Variants in PRMT1 observed in about 807,000 individuals in gnomAD.
PRMT1 encodes the protein protein arginine N-methyltransferase 1.
PRMT1 carries 5 observed loss-of-function variants against 47.4 expected under a neutral mutation model. The ratio of observed to expected loss-of-function variants is 0.11; its 90% CI spans 0.06 to 0.22. PRMT1 has a LOEUF of 0.22. Among genes scored for constraint, PRMT1 ranks in the 10% least tolerant of loss-of-function variants. The probability of loss-of-function intolerance (pLI) is 1.00; values close to 1 mark genes in which losing one functional copy is unlikely to be tolerated. For synonymous variants in PRMT1, 227 were observed against 204.6 expected (o/e 1.11, Z -0.94); for missense variants, 249 against 518.4 (o/e 0.48, Z 5.05).
chr19:49,680,345 T>C lies in PRMT1; in HGVS notation c.91-142T>C. 1 of 906,408 alleles carries C rather than the reference T, an allele frequency of 1.1e-6. No individual in the cohort carries two copies. The highest frequency in any genetic ancestry group is 1.8e-6 in the Non-Finnish European group (1 of 565,670). The allele number at this position is 906,408 out of a possible 1,614,324, so 56.1% of individuals were successfully genotyped here. On this transcript the variant is annotated intron_variant, in intron 2 of 10. Transcript: ENST00000454376. The surrounding 1 kb of genome is among the most constrained non-coding windows in gnomAD (Gnocchi z 4.2). ...TTTTGGGGTTCCTGGGGGGGCAAGA[T>C]GGCAGGCGGGGGCTGTAGGGTTGTC...
chr19:49,681,180 G>T lies in PRMT1; in HGVS notation c.192+592G>T, dbSNP rs1045297569. ...TCCCCCCACTTCCACTTTCGGAGTAGCTGGGACCACAGGCGCGCGCCACCA... is the reference window on the plus strand; with the variant it reads ...TCCCCCCACTTCCACTTTCGGAGTATCTGGGACCACAGGCGCGCGCCACCA... On this transcript the variant is annotated intron_variant, in intron 3 of 10. Transcript: ENST00000454376. This position sits in a 1 kb window ranked among gnomAD's most constrained non-coding sequence, Gnocchi z 4.4. 6.6e-6 allele frequency among the ~76,000 whole-genome samples: 1 copy of T among 152,150 alleles called. No homozygotes were observed. Among genetic ancestry groups the T allele is most frequent in the Non-Finnish European group, 1.5e-5 (1 of 68,038 alleles).
intron 5 of PRMT1, 135 bp downstream of exon 5, chr19:49,682,394 C>A: frequency 1.1e-6 from 1 of 923,264 alleles, no homozygotes; most frequent in Non-Finnish European, 1.7e-6. Context: ...TTTTGGGCTG[C>A]CGGCCGCCTG....
At position 49,682,077 on chromosome 19, in the gene PRMT1, G is replaced by A; in HGVS notation, c.348+12G>A. The A allele has an allele frequency of 6.2e-7, 1 of 1,613,966 alleles. No individual in the cohort carries two copies. The highest frequency in any genetic ancestry group is 1.7e-4 in the Middle Eastern group (1 of 6,058). ...GCAAGGTCATCGGGGTGAGTCTCCAGGGTGGCCAGGCGGGGCCGGGCCTGA... is the reference window on the plus strand; with the variant it reads ...GCAAGGTCATCGGGGTGAGTCTCCAAGGTGGCCAGGCGGGGCCGGGCCTGA... On this transcript the variant is annotated intron_variant, in intron 4 of 10. Transcript: ENST00000454376.
intron 5 of PRMT1, among the ~76,000 whole-genome samples, chr19:49,683,075 CT>C (rs895708880): frequency 1.3e-3 from 188 of 143,058 alleles, no homozygotes; most frequent in South Asian, 1.3e-3. Flanking sequence ...CAGGTGTGAA[CT>C]TTTTTTTTTT....
chr19:49,682,373 A>G, intron 5 of PRMT1, 114 bp downstream of exon 5: 1 of 1,158,708 alleles, frequency 8.6e-7, no homozygotes, highest in Non-Finnish European at 1.3e-6. Flanking sequence ...AGCAGCTCCC[A>G]ACCCATGGTC....
rs1053491048 is a variant in PRMT1, at chr19:49,688,325, C to T, written c.*80C>T. ...TCGGGGCTCCCCCTTCCTCTCCCTC[C>T]CTCCCGCAGAAGGGGGTTTTAGGGG... On this transcript the variant is annotated 3_prime_UTR_variant, in exon 11 of 11. Transcript: ENST00000454376. The surrounding 1 kb of genome is among the most constrained non-coding windows in gnomAD (Gnocchi z 5.3). 5 of 1,410,710 alleles carry T rather than the reference C, an allele frequency of 3.5e-6. No homozygotes were observed. Among genetic ancestry groups the T allele is most frequent in the Admixed American group, 3.4e-5 (2 of 59,410 alleles). The allele number at this position is 1,410,710 out of a possible 1,614,324, so 87.4% of individuals were successfully genotyped here. A position where few individuals can be genotyped will look rare whatever the true frequency, so the allele number is the denominator to read the frequency against.
upstream of PRMT1, chr19:49,676,249 T>C (rs1039993142): frequency 2.0e-5 from 3 of 152,202 alleles, no homozygotes; most frequent in East Asian, 3.9e-4. Context: ...CATTCCGGGA[T>C]TGGAGAGAAG....
At chr19:49,677,207 T>G, upstream of PRMT1, 2 of 1,350,022 alleles carry the variant, frequency 1.5e-6, no homozygotes, top group Non-Finnish European at 1.9e-6. Context: ...GACCCTCTGG[T>G]ATAAGGCGGT....
At position 49,680,314 on chromosome 19, in the gene PRMT1, G is replaced by C. The variant is rs375652517; in HGVS notation, c.91-173G>C. ...GGTCCTGGAAGTGGAAAATGGGGTT[G>C]TTAGGTTTTGGGGTTCCTGGGGGGG... On this transcript the variant is annotated intron_variant, in intron 2 of 10. Transcript: ENST00000454376. The surrounding 1 kb of genome is among the most constrained non-coding windows in gnomAD (Gnocchi z 4.2). 4.6e-5 allele frequency: 60 copies of C among 1,299,106 alleles called. No individual in the cohort carries two copies. Among genetic ancestry groups the C allele is most frequent in the South Asian group, 4.0e-4 (33 of 82,516 alleles). 80.5% of individuals were successfully genotyped at this position (1,299,106 alleles called of 1,614,324 possible). A position where few individuals can be genotyped will look rare whatever the true frequency, so the allele number is the denominator to read the frequency against.
chr19:49,678,755 C>T (rs1465020857), intron 1 of PRMT1, among the ~76,000 whole-genome samples: 4 of 152,132 alleles, frequency 2.6e-5, no homozygotes, highest in African/African-American at 9.7e-5. Context: ...CTGTCTCCTG[C>T]ACCTGGGGCT....
At position 49,681,516 on chromosome 19, in the gene PRMT1, T is replaced by A. The variant is rs1282006583; in HGVS notation, c.193-394T>A. Among the ~76,000 whole-genome samples the A allele has an allele frequency of 6.6e-6, 1 of 152,084 alleles. No homozygotes were observed. Among genetic ancestry groups the A allele is most frequent in the Non-Finnish European group, 1.5e-5 (1 of 68,032 alleles). On this transcript the variant is annotated intron_variant, in intron 3 of 10. Coordinates refer to ENST00000454376, the MANE Select transcript of PRMT1 (RefSeq NM_001536.6). This position sits in a 1 kb window ranked among gnomAD's most constrained non-coding sequence, Gnocchi z 4.4. ...ACTTTAGGGGGCTGAGGTGGGTGGA[T>A]CACCTGAGGTCAGGAGTTGAAGACC...
chr19:49,684,139 A>C lies in PRMT1; in HGVS notation c.555+70A>C. On this transcript the variant is annotated intron_variant, in intron 6 of 10. Transcript: ENST00000454376. The surrounding 1 kb of genome is among the most constrained non-coding windows in gnomAD (Gnocchi z 6.2). ...CAGGTAGAAGACGAAAACCACGCTC[A>C]ATTTTTCCCACAGACGGGACTTACT... is the stretch of plus-strand genomic sequence containing the variant. 1 of 1,587,084 alleles carries C rather than the reference A, an allele frequency of 6.3e-7. No homozygotes were observed. Among genetic ancestry groups the C allele is most frequent in the Non-Finnish European group, 8.6e-7 (1 of 1,160,962 alleles).
At position 49,686,214 on chromosome 19, in the gene PRMT1, G is replaced by A; in HGVS notation, c.881G>A (p.Arg294His). 6.2e-7 allele frequency: 1 copy of A among 1,609,938 alleles called. No individual in the cohort carries two copies. Among genetic ancestry groups the A allele is most frequent in the South Asian group, 1.1e-5 (1 of 90,458 alleles). ...LVAYFNIEFT[R>H]CHKRTGFSTS... ...GCCTACTTCAACATCGAGTTCACAC[G>A]CTGCCACAAGAGGACCGGCTTCTCC... The change falls in exon 9 of 11, where the codon CGC (arginine) becomes CAC (histidine). Residue 294 changes from arginine (R) to histidine (H), a missense_variant. Physicochemically the swap from Arg to His is conservative, Grantham distance 29 (BLOSUM62 0). Around this residue, in one of 2 missense-constraint regions of PRMT1, gnomAD observed 190 missense variants for 456.7 expected, o/e 0.42. Coordinates refer to ENST00000454376, the MANE Select transcript of PRMT1 (RefSeq NM_001536.6).
chr19:49,685,860 T>C lies in PRMT1; in HGVS notation c.760-233T>C, dbSNP rs927247429. On this transcript the variant is annotated intron_variant, in intron 8 of 10. Transcript: ENST00000454376. The surrounding 1 kb of genome is among the most constrained non-coding windows in gnomAD (Gnocchi z 4.7). ...ACAGAGTTAGGGTGGCACTGCCAGGTTTGGGTGTTGGAGAGGAGGGAGCAA... is the reference window on the plus strand; with the variant it reads ...ACAGAGTTAGGGTGGCACTGCCAGGCTTGGGTGTTGGAGAGGAGGGAGCAA... 8.8e-6 allele frequency: 12 copies of C among 1,368,206 alleles called. No individual in the cohort carries two copies. The highest frequency in any genetic ancestry group is 3.3e-5 in the Admixed American group (1 of 30,390). 84.8% of individuals were successfully genotyped at this position (1,368,206 alleles called of 1,614,324 possible).
rs1163548433 is a variant in PRMT1, at chr19:49,685,415, C to T, written c.759+378C>T. 2.3e-5 allele frequency: 28 copies of T among 1,195,852 alleles called. No individual in the cohort carries two copies. The highest frequency in any genetic ancestry group is 1.2e-4 in the Admixed American group (3 of 25,170). 74.1% of individuals were successfully genotyped at this position (1,195,852 alleles called of 1,614,324 possible). A position where few individuals can be genotyped will look rare whatever the true frequency, so the allele number is the denominator to read the frequency against. ...AGATGTGCCTGAGGTCCCAGCTACTCGGGAGGATCACTTGGGCCTGGGAGT... is the reference window on the plus strand; with the variant it reads ...AGATGTGCCTGAGGTCCCAGCTACTTGGGAGGATCACTTGGGCCTGGGAGT... On this transcript the variant is annotated intron_variant, in intron 8 of 10. Coordinates refer to ENST00000454376, the MANE Select transcript of PRMT1 (RefSeq NM_001536.6). This position sits in a 1 kb window ranked among gnomAD's most constrained non-coding sequence, Gnocchi z 4.7.
upstream of PRMT1, among the ~76,000 whole-genome samples, chr19:49,676,590 C>A (rs1038530961): frequency 2.6e-5 from 4 of 152,210 alleles, no homozygotes; most frequent in African/African-American, 9.7e-5. Flanking sequence ...TTCGGGACCC[C>A]AGCTATGCCC....
In PRMT1 at chr19:49,684,899, C is replaced by T. The variant is rs888044876; in HGVS notation, c.644-23C>T. On this transcript the variant is annotated intron_variant, in intron 7 of 10. Coordinates refer to ENST00000454376, the MANE Select transcript of PRMT1 (RefSeq NM_001536.6). The surrounding 1 kb of genome is among the most constrained non-coding windows in gnomAD (Gnocchi z 6.2). ...CTCGGGTGGGCTGCTGCGGGCTCAC[C>T]CCCTCCCTGCCTGCCTCCCCAGGGT... The T allele has an allele frequency of 8.7e-6, 14 of 1,604,728 alleles. No individual in the cohort carries two copies. The highest frequency in any genetic ancestry group is 1.1e-5 in the Non-Finnish European group (13 of 1,173,782).
chr19:49,677,275 G>C lies in PRMT1; in HGVS notation c.-6G>C. 1 of 1,421,674 alleles carries C rather than the reference G, an allele frequency of 7.0e-7. No individual in the cohort carries two copies. Among genetic ancestry groups the C allele is most frequent in the Non-Finnish European group, 9.2e-7 (1 of 1,084,548 alleles). The allele number at this position is 1,421,674 out of a possible 1,614,324, so 88.1% of individuals were successfully genotyped here. A position where few individuals can be genotyped will look rare whatever the true frequency, so the allele number is the denominator to read the frequency against. ...GCGGCCGGAGGAGGAGTAGGTGCGG[G>C]TGAAGATGGCGGCAGCCGAGGCCGC... On this transcript the variant is annotated 5_prime_UTR_variant, in exon 1 of 11. Coordinates refer to ENST00000454376, the MANE Select transcript of PRMT1 (RefSeq NM_001536.6).
At chr19:49,677,863 T>A (rs2082060710) in intron 1 of PRMT1, among the ~76,000 whole-genome samples, 1 of 152,050 alleles carries the variant, frequency 6.6e-6, no homozygotes, top group Non-Finnish European at 1.5e-5. Flanking sequence ...CGGGGGCATC[T>A]GTTGGGATAT....
Sources: gnomAD v4.1 joint callset for allele counts (sites outside exome capture counted in the v4.1 genomes callset) on GRCh38, gnomAD v4.1.1 for gene constraint, gnomAD v4.1.1 regional missense constraint, Gnocchi (gnomAD v3.1) non-coding constraint, MANE v1.5 for transcripts, NCBI Gene and HGNC (gene_info 2026-07-23, HGNC 2026-07-21) for gene names.